The following DPF3 variants were observed in gnomAD, a reference collection of about 807,000 sequenced individuals.
DPF3 encodes the protein zinc finger protein DPF3.
DPF3 carries 18 observed loss-of-function variants against 56.8 expected under a neutral mutation model. The ratio of observed to expected loss-of-function variants is 0.32; its 90% CI spans 0.22 to 0.47. The LOEUF is 0.47. Among genes scored for constraint, DPF3 ranks in the 20% least tolerant of loss-of-function variants. The probability of loss-of-function intolerance (pLI) is 1.00; values close to 1 mark genes in which losing one functional copy is unlikely to be tolerated. For missense variants in DPF3, 403 were observed against 488.8 expected, an observed-to-expected ratio of 0.82 and a Z score of 1.65; for synonymous variants, 188 against 180.2, an observed-to-expected ratio of 1.04 and a Z score of -0.35.
At chr14:72,732,427 C>T (rs767104121) in intron 3 of DPF3, among the ~76,000 whole-genome samples, 1 of 152,230 alleles carries the variant, frequency 6.6e-6, no homozygotes, top group Non-Finnish European at 1.5e-5. Context: ...TCTGTCAACC[C>T]CATGACCTCC....
In DPF3 at chr14:72,611,670, C is replaced by T. The variant is rs1229419770; in HGVS notation, c.*7627G>A. Among the ~76,000 whole-genome samples the T allele has an allele frequency of 6.6e-6, 1 of 152,204 alleles. No homozygotes were observed. The highest frequency in any genetic ancestry group is 2.4e-5 in the African/African-American group (1 of 41,444). ...GGGACACTGGCTGCCCAACACACTC[C>T]AGGCCAGGTGACTTCATCAGTTCAC... On this transcript the variant is annotated 3_prime_UTR_variant, in exon 11 of 11. Transcript: ENST00000556509.
chr14:72,774,866 A>T (rs879642790), intron 1 of DPF3, among the ~76,000 whole-genome samples: 6 of 152,238 alleles, frequency 3.9e-5, no homozygotes, highest in Non-Finnish European at 7.3e-5. Context: ...GGTAACAAGG[A>T]TCATGAGATT....
rs117874687 is a variant in DPF3 at position 72,715,174 on chromosome 14, A to G, written c.526-673T>C. Among the ~76,000 whole-genome samples, 541 of 152,314 alleles carry G rather than the reference A, an allele frequency of 3.6e-3. 7 individuals carry two copies. Among genetic ancestry groups the G allele is most frequent in the East Asian group, 0.03 (153 of 5,184 alleles). On this transcript the variant is annotated intron_variant, in intron 5 of 10. Coordinates refer to ENST00000556509, the MANE Select transcript of DPF3 (RefSeq NM_001280542.3). Reference sequence around the variant, plus strand: ...TGTGGTCTGCCTTGGGCCTTCAGCCAGTGACGAAGACCTTGACCCCCATGG... The same window carrying G: ...TGTGGTCTGCCTTGGGCCTTCAGCCGGTGACGAAGACCTTGACCCCCATGG...
intron 3 of DPF3, among the ~76,000 whole-genome samples, chr14:72,743,949 TTGTG>T (rs1890230467): frequency 6.6e-6 from 1 of 152,204 alleles, no homozygotes; most frequent in Non-Finnish European, 1.5e-5. Flanking sequence ...AGAAATAATG[TTGTG>T]TGTGTTGTCC....
intron 3 of DPF3, among the ~76,000 whole-genome samples, chr14:72,738,110 G>C (rs979411146): frequency 6.6e-6 from 1 of 152,060 alleles, no homozygotes; most frequent in Non-Finnish European, 1.5e-5. Context: ...AGGGAGGGAG[G>C]TATTGTTATC....
intron 1 of DPF3, among the ~76,000 whole-genome samples, chr14:72,873,617 C>T (rs369773476): frequency 8.5e-5 from 13 of 152,106 alleles, no homozygotes; most frequent in South Asian, 4.2e-4. Flanking sequence ...TAAAGACACA[C>T]GCACATGTAT....
chr14:72,763,639 A>G (rs1357543577), intron 2 of DPF3, among the ~76,000 whole-genome samples: 2 of 151,594 alleles, frequency 1.3e-5, no homozygotes, highest in East Asian at 3.9e-4. Context: ...AAATTTTAGG[A>G]AAAAAAAATA....
chr14:72,838,037 G>T (rs1418244568), intron 1 of DPF3, among the ~76,000 whole-genome samples: 1 of 152,168 alleles, frequency 6.6e-6, no homozygotes, highest in African/African-American at 2.4e-5. Flanking sequence ...GCAAGCAGTG[G>T]CTCCAGTGCC....
intron 2 of DPF3, among the ~76,000 whole-genome samples, chr14:72,756,893 G>A (rs1023416685): frequency 3.3e-3 from 318 of 95,382 alleles, no homozygotes; most frequent in South Asian, 4.4e-3. Flanking sequence ...AGGAAAGAAA[G>A]AAAGAAAAGA....
chr14:72,698,068 C>G (rs1887985955), intron 6 of DPF3, among the ~76,000 whole-genome samples: 1 of 152,224 alleles, frequency 6.6e-6, no homozygotes, highest in Admixed American at 6.5e-5. Context: ...AATCATCCCT[C>G]TGATCTCAGT....
intron 1 of DPF3, among the ~76,000 whole-genome samples, chr14:72,822,645 T>C (rs192473637): frequency 1.3e-5 from 2 of 152,286 alleles, no homozygotes; most frequent in African/African-American, 4.8e-5. Context: ...TTACTTTCTG[T>C]AGTGTTTAAA....
intron 1 of DPF3, among the ~76,000 whole-genome samples, chr14:72,841,666 G>A (rs1023948423): frequency 2.0e-5 from 3 of 152,144 alleles, no homozygotes; most frequent in Non-Finnish European, 1.5e-5. Flanking sequence ...GAGCCTCTCT[G>A]AAAAGAAGCA....
intron 3 of DPF3, among the ~76,000 whole-genome samples, chr14:72,749,807 C>G (rs1219787031): frequency 6.6e-6 from 1 of 150,624 alleles, no homozygotes; most frequent in African/African-American, 2.5e-5. Flanking sequence ...GAGCTGTGAT[C>G]GTGCCACTGC....
intron 1 of DPF3, among the ~76,000 whole-genome samples, chr14:72,880,527 AG>A (rs796990429): frequency 2.5e-4 from 38 of 152,288 alleles, no homozygotes; most frequent in African/African-American, 8.9e-4. Context: ...TTGCAGCCAA[AG>A]GTAGGCTGAG....
Position 72,884,529 on chromosome 14 carries a change from G to C in DPF3, c.32+9528C>G, listed in dbSNP as rs1056968542. Reference sequence around the variant, plus strand: ...TCCATTATTTCATGTGGGCCGCTGCGGGGAAGCCAGGCTGGAGGAAGGGGA... The same window carrying C: ...TCCATTATTTCATGTGGGCCGCTGCCGGGAAGCCAGGCTGGAGGAAGGGGA... On this transcript the variant is annotated intron_variant, in intron 1 of 10. Transcript: ENST00000556509. Among the ~76,000 whole-genome samples the C allele has an allele frequency of 2.6e-5, 4 of 151,998 alleles. 1 individual carries two copies. Among genetic ancestry groups the C allele is most frequent in the South Asian group, 4.1e-4 (2 of 4,826 alleles).
intron 6 of DPF3, among the ~76,000 whole-genome samples, chr14:72,706,739 G>A (rs577801685): frequency 2.9e-4 from 44 of 152,190 alleles, no homozygotes; most frequent in African/African-American, 1.0e-3. Context: ...CCATGCACCA[G>A]GCCCTGCAGC....
intron 1 of DPF3, among the ~76,000 whole-genome samples, chr14:72,788,066 G>A (rs1374979747): frequency 6.6e-6 from 1 of 152,226 alleles, no homozygotes; most frequent in African/African-American, 2.4e-5. Context: ...CATGCTAAGC[G>A]CCTGAGCCCT....
At chr14:72,879,760 C>T in intron 1 of DPF3, 1 of 1,510,682 alleles carries the variant, frequency 6.6e-7, no homozygotes, top group Non-Finnish European at 8.8e-7. Flanking sequence ...AGCATCCCCT[C>T]AGACTAACAA....
At chr14:72,671,053 T>A in intron 8 of DPF3, 1 of 1,516,204 alleles carries the variant, frequency 6.6e-7, no homozygotes, top group Non-Finnish European at 8.9e-7. Context: ...TGCCTTTCAT[T>A]AAAAAAAATA....
Sources: allele counts gnomAD v4.1 joint callset (sites outside exome capture counted in the v4.1 genomes callset), GRCh38; gene constraint gnomAD v4.1.1; transcripts MANE v1.5; gene names NCBI Gene and HGNC (gene_info 2026-07-23, HGNC 2026-07-21).